Variants in KIF20B observed in about 807,000 individuals in gnomAD.
KIF20B encodes the protein kinesin family member 20B.
A neutral mutation model predicts 232.5 loss-of-function variants in KIF20B; 188 were observed. That is an observed-to-expected ratio of 0.81 (90% CI 0.72 to 0.91). The LOEUF (loss-of-function observed/expected upper bound fraction) is 0.91. KIF20B is among the 40% of genes least tolerant of loss of function. KIF20B has a pLI of 0.00. For missense variants in KIF20B, 2,154 were observed against 2,055.9 expected, an observed-to-expected ratio of 1.05 and a Z score of -0.92; for synonymous variants, 712 against 683.0, an observed-to-expected ratio of 1.04 and a Z score of -0.66.
intron 25 of KIF20B, among the ~76,000 whole-genome samples, chr10:89,753,778 G>A (rs893460348): frequency 6.6e-5 from 10 of 151,864 alleles, no homozygotes; most frequent in Admixed American, 1.3e-4. Context: ...ACGCCAGCTC[G>A]CCCAGCTAAT....
intron 12 of KIF20B, 56 bp from the exon 13 acceptor site, chr10:89,719,363 C>G (rs1274919634): frequency 7.5e-6 from 9 of 1,203,084 alleles, no homozygotes; most frequent in Non-Finnish European, 1.0e-5. Context: ...TAATCATTTT[C>G]TAGTGGACAG....
At chr10:89,768,080 C>T (rs1342922650) in intron 29 of KIF20B, among the ~76,000 whole-genome samples, 1 of 152,002 alleles carries the variant, frequency 6.6e-6, no homozygotes, top group African/African-American at 2.4e-5. Flanking sequence ...GACCTCTACC[C>T]ACTCGTGGCC....
At chr10:89,744,301 T>G (rs533381424) in intron 22 of KIF20B, among the ~76,000 whole-genome samples, 1 of 152,268 alleles carries the variant, frequency 6.6e-6, no homozygotes, top group Admixed American at 6.5e-5. Context: ...TCCCTAAATT[T>G]ATAACCTCAG....
Position 89,733,243 on chromosome 10 carries a change from TAATA to T in KIF20B, c.2545+192_2545+195del, listed in dbSNP as rs200266355. 1.1e-3 allele frequency: 561 copies of T among 518,672 alleles called. 3 individuals carry two copies. Among genetic ancestry groups the T allele is most frequent in the African/African-American group, 9.6e-3 (501 of 52,060 alleles). The allele number at this position is 518,672 out of a possible 1,614,324, so 32.1% of individuals were successfully genotyped here. ...ATGGGCATAGTTAAAGCTTTTATCT[TAATA>T]AATATGCTTTTAGAAATTGTGCTTT... On this transcript the variant is annotated intron_variant, in intron 19 of 32. Coordinates refer to ENST00000371728, the MANE Select transcript of KIF20B (RefSeq NM_001284259.2).
chr10:89,754,463 T>G, intron 25 of KIF20B, 55 bp from the exon 26 acceptor site: 4 of 1,149,070 alleles, frequency 3.5e-6, no homozygotes, highest in South Asian at 4.9e-5. Context: ...TATAGAAACA[T>G]GTATTGACTA....
chr10:89,754,647 C>T lies in KIF20B; in HGVS notation c.4477C>T (p.Arg1493Cys), dbSNP rs768653134. The change falls in exon 26 of 33, where the codon CGT (arginine) becomes TGT (cysteine). Residue 1493 changes from arginine to cysteine, a missense_variant. Arg to Cys is a radical substitution (Grantham distance 180). Transcript: ENST00000371728. ...EMKKYAEDRE[R>C]FFKQQNEMEI... Reference sequence around the variant, plus strand: ...GAAAAAATATGCTGAGGACAGGGAGCGTTTTTTTAAGCAACAGAATGAAAT... The same window carrying T: ...GAAAAAATATGCTGAGGACAGGGAGTGTTTTTTTAAGCAACAGAATGAAAT... The T allele has an allele frequency of 2.9e-5, 46 of 1,579,016 alleles. No individual in the cohort carries two copies. The highest frequency in any genetic ancestry group is 3.3e-5 in the Non-Finnish European group (38 of 1,165,120).
intron 13 of KIF20B, among the ~76,000 whole-genome samples, chr10:89,720,953 C>A (rs1362406498): frequency 6.6e-6 from 1 of 152,062 alleles, no homozygotes; most frequent in Non-Finnish European, 1.5e-5. Flanking sequence ...TGCGATTGCC[C>A]GCCTCGGCCT....
chr10:89,717,603 A>C lies in KIF20B; in HGVS notation c.1152A>C (p.Ser384=). 6.2e-7 allele frequency: 1 copy of C among 1,611,294 alleles called. No homozygotes were observed. Among genetic ancestry groups the C allele is most frequent in the Non-Finnish European group, 8.5e-7 (1 of 1,178,718 alleles). ...TATCTTTATGTGATCTTGCTGGTTC[A>C]GAACGAACTATGAAGACACAGAATG... ...SELSLCDLAG[S]ERTMKTQNEG... Residue 384 remains serine, a synonymous_variant, in exon 11 of 33, where the codon TCA becomes TCC. Coordinates refer to ENST00000371728, the MANE Select transcript of KIF20B (RefSeq NM_001284259.2).
chr10:89,715,918 G>T (rs1231145792), intron 8 of KIF20B, among the ~76,000 whole-genome samples: 1 of 152,132 alleles, frequency 6.6e-6, no homozygotes, highest in Non-Finnish European at 1.5e-5. Context: ...TTGAGCCTAG[G>T]AGGTCAAGGC....
chr10:89,730,696 AG>A (rs1291651197), intron 18 of KIF20B, among the ~76,000 whole-genome samples: 1 of 152,160 alleles, frequency 6.6e-6, no homozygotes, highest in Non-Finnish European at 1.5e-5. Context: ...TTTGTTGTTT[AG>A]GAAGAAAGTT....
At chr10:89,739,178 G>A in intron 21 of KIF20B, 82 bp downstream of exon 21, 1 of 1,381,926 alleles carries the variant, frequency 7.2e-7, no homozygotes, top group African/African-American at 1.5e-5. Context: ...TTAATCTTAG[G>A]ATTGAATAGA....
chr10:89,715,608 A>T (rs1348286891), intron 8 of KIF20B, among the ~76,000 whole-genome samples: 4 of 152,214 alleles, frequency 2.6e-5, no homozygotes, highest in Non-Finnish European at 1.5e-5. Context: ...ATATATATTC[A>T]TATGTAATAT....
chr10:89,746,066 C>T, intron 23 of KIF20B, 107 bp downstream of exon 23: 2 of 777,102 alleles, frequency 2.6e-6, no homozygotes, highest in South Asian at 3.0e-5. Flanking sequence ...CAGCTCAAAC[C>T]CCTAGGGGGA....
chr10:89,730,346 A>G (rs1412844029), intron 18 of KIF20B, among the ~76,000 whole-genome samples: 1 of 152,198 alleles, frequency 6.6e-6, no homozygotes, highest in African/African-American at 2.4e-5. Flanking sequence ...GCCAGGTACT[A>G]TGCTAGATTA....
chr10:89,730,404 A>G (rs137999987), intron 18 of KIF20B, among the ~76,000 whole-genome samples: 37 of 152,298 alleles, frequency 2.4e-4, no homozygotes, highest in South Asian at 1.0e-3. Flanking sequence ...CAATCCCCCA[A>G]TAAGAAAAAA....
chr10:89,708,668 C>G (rs902279989), intron 2 of KIF20B, among the ~76,000 whole-genome samples: 1 of 151,924 alleles, frequency 6.6e-6, no homozygotes, highest in Non-Finnish European at 1.5e-5. Flanking sequence ...GATTAAGTTG[C>G]ATTTATCAAG....
intron 15 of KIF20B, 94 bp downstream of exon 15, chr10:89,725,252 A>G: frequency 8.8e-7 from 1 of 1,132,658 alleles, no homozygotes; most frequent in South Asian, 1.5e-5. Context: ...AAGATAGTTT[A>G]GAATTAAAAC....
rs528543759 is a variant in KIF20B at position 89,707,923 on chromosome 10, C to G, written c.148-1244C>G. On this transcript the variant is annotated intron_variant, in intron 2 of 32. Coordinates refer to ENST00000371728, the MANE Select transcript of KIF20B (RefSeq NM_001284259.2). ...TTCCCATCTGTAGAGATAAAAGTTT[C>G]TCTTCATTTATTCTTTTAATATGGT... is the stretch of plus-strand genomic sequence containing the variant. Among the ~76,000 whole-genome samples, 3 of 152,150 alleles carry G rather than the reference C, an allele frequency of 2.0e-5. No individual in the cohort carries two copies. In the East Asian group the frequency reaches 5.9e-4, roughly 30 times the overall value.
chr10:89,724,074 G>T lies in KIF20B; in HGVS notation c.1833G>T (p.Gln611His). ...AAGAAGTTACACAGGAGTTTACTCA[G>T]TATTGGGCTCAACGGGAAGCTGACT... ...IREEVTQEFT[Q>H]YWAQREADFK... The change falls in exon 14 of 33, where the codon CAG (glutamine) becomes CAT (histidine). Residue 611 changes from glutamine (Q) to histidine (H), a missense_variant. Physicochemically the swap from Gln to His is conservative, Grantham distance 24. Transcript: ENST00000371728. 6.5e-7 allele frequency: 1 copy of T among 1,530,718 alleles called. No individual in the cohort carries two copies. Among genetic ancestry groups the T allele is most frequent in the Non-Finnish European group, 8.7e-7 (1 of 1,146,600 alleles). The allele number at this position is 1,530,718 out of a possible 1,614,324, so 94.8% of individuals were successfully genotyped here. A position where few individuals can be genotyped will look rare whatever the true frequency, so the allele number is the denominator to read the frequency against.
Sources: gnomAD v4.1 joint callset for allele counts (sites outside exome capture counted in the v4.1 genomes callset) on GRCh38, gnomAD v4.1.1 for gene constraint, MANE v1.5 for transcripts, NCBI Gene and HGNC (gene_info 2026-07-23, HGNC 2026-07-21) for gene names.